Variants in DICER1 observed in about 807,000 individuals in gnomAD.
DICER1 encodes the protein dicer 1, ribonuclease III, also known as endoribonuclease Dicer.
DICER1 carries 43 observed loss-of-function variants against 194.1 expected under a neutral mutation model. The ratio of observed to expected loss-of-function variants is 0.22; its 90% CI spans 0.17 to 0.29. DICER1 has a LOEUF of 0.29. Ranked by LOEUF, DICER1 falls within the 10% of genes least tolerant of loss-of-function variation. The pLI is 1.00. For synonymous variants in DICER1, 832 were observed against 820.5 expected (o/e 1.01, Z -0.24); for missense variants, 1,608 against 2,317.0 (o/e 0.69, Z 6.28).
At chr14:95,148,853 C>A (rs1352502052) in intron 1 of DICER1, among the ~76,000 whole-genome samples, 2 of 152,072 alleles carry the variant, frequency 1.3e-5, no homozygotes, top group Non-Finnish European at 2.9e-5. Context: ...TTTCAAGAGA[C>A]ATAAATACTT....
At chr14:95,147,826 C>T (rs943349574) in intron 1 of DICER1, among the ~76,000 whole-genome samples, 22 of 152,190 alleles carry the variant, frequency 1.4e-4, no homozygotes, top group Non-Finnish European at 2.2e-4. Flanking sequence ...GTTCCCACAA[C>T]GCCCTCCTGG....
chr14:95,135,433 A>G (rs1350998751), intron 1 of DICER1, among the ~76,000 whole-genome samples: 1 of 152,170 alleles, frequency 6.6e-6, no homozygotes, highest in Admixed American at 6.5e-5. Flanking sequence ...AGGAACCAGC[A>G]GCACCCCCTC....
chr14:95,117,032 A>G (rs768221401), intron 9 of DICER1, among the ~76,000 whole-genome samples: 1 of 152,236 alleles, frequency 6.6e-6, no homozygotes, highest in Non-Finnish European at 1.5e-5. Flanking sequence ...AAGGCCTTCA[A>G]CAGGAATTAT....
chr14:95,107,561 T>A (rs1891544688), intron 17 of DICER1, 47 bp downstream of exon 17: 1 of 1,607,514 alleles, frequency 6.2e-7, no homozygotes, highest in Non-Finnish European at 8.5e-7. Flanking sequence ...AGTGCATCTT[T>A]TAAAACAAAG....
intron 1 of DICER1, among the ~76,000 whole-genome samples, chr14:95,150,629 A>C (rs2140447223): frequency 6.6e-6 from 1 of 152,354 alleles, no homozygotes; most frequent in East Asian, 1.9e-4. Flanking sequence ...AAGGATCATT[A>C]ATGGATGCTA....
chr14:95,114,439 G>T (rs771465321), intron 11 of DICER1, among the ~76,000 whole-genome samples: 7 of 152,138 alleles, frequency 4.6e-5, no homozygotes, highest in Admixed American at 4.6e-4. Flanking sequence ...ATTAAAAAAT[G>T]ATAATATAAG....
chr14:95,112,130 G>T, intron 13 of DICER1, 42 bp downstream of exon 13: 1 of 1,530,988 alleles, frequency 6.5e-7, no homozygotes, highest in Non-Finnish European at 9.1e-7. Flanking sequence ...TACAATGGTT[G>T]CAATTTATTT....
intron 9 of DICER1, 25 bp downstream of exon 9, chr14:95,117,597 G>A: frequency 1.9e-6 from 3 of 1,613,580 alleles, no homozygotes; most frequent in Non-Finnish European, 2.5e-6. Context: ...AACTGTTATT[G>A]TACACTTATT....
intron 11 of DICER1, 46 bp downstream of exon 11, chr14:95,115,621 T>C (rs747760766): frequency 1.2e-6 from 2 of 1,605,242 alleles, no homozygotes; most frequent in South Asian, 2.2e-5. Flanking sequence ...AGACTTAAAC[T>C]GTGCAACATT....
rs1053405272 is a variant in DICER1 at position 95,088,333 on chromosome 14, G to T, written c.*2165C>A. On this transcript the variant is annotated 3_prime_UTR_variant, in exon 27 of 27. Transcript: ENST00000343455. ...ATAACTGTGAAAACAATCTGATTTTGGTGCCAGGAATCAAGAGAATCCCGT... is the reference window on the plus strand; with the variant it reads ...ATAACTGTGAAAACAATCTGATTTTTGTGCCAGGAATCAAGAGAATCCCGT... The T allele has an allele frequency of 4.3e-6, 1 of 231,928 alleles. No homozygotes were observed. Among genetic ancestry groups the T allele is most frequent in the African/African-American group, 2.2e-5 (1 of 45,234 alleles). 14.4% of individuals were successfully genotyped at this position (231,928 alleles called of 1,614,324 possible). A position where few individuals can be genotyped will look rare whatever the true frequency, so the allele number is the denominator to read the frequency against.
intron 1 of DICER1, among the ~76,000 whole-genome samples, chr14:95,156,275 G>A (rs73331574): frequency 0.033 from 5,009 of 152,288 alleles, 299 homozygotes; most frequent in African/African-American, 0.12. Flanking sequence ...GAAGACAGAA[G>A]CATAGGCGTC....
chr14:95,137,058 T>C (rs1165588634), intron 1 of DICER1, among the ~76,000 whole-genome samples: 1 of 125,166 alleles, frequency 8.0e-6, no homozygotes. Flanking sequence ...AGAACAGATA[T>C]GAACAGAAAG....
chr14:95,105,982 G>C lies in DICER1; in HGVS notation c.2987+59C>G. The stretch of plus-strand genomic sequence containing the variant: ...GGGACAGTGAACCTCTGCATGTCTA[G>C]TGATGTCTGGTAAGAATCCCTCAAG... On this transcript the variant is annotated intron_variant, in intron 18 of 26. Coordinates refer to ENST00000343455, the MANE Select transcript of DICER1 (RefSeq NM_177438.3). This position sits in a 1 kb window ranked among gnomAD's most constrained non-coding sequence, Gnocchi z 4.9. 1.3e-6 allele frequency: 2 copies of C among 1,568,078 alleles called. No individual in the cohort carries two copies. The highest frequency in any genetic ancestry group is 1.8e-6 in the Non-Finnish European group (2 of 1,138,458).
intron 10 of DICER1, 119 bp downstream of exon 10, chr14:95,116,334 T>C: frequency 8.0e-7 from 1 of 1,251,150 alleles, no homozygotes; most frequent in South Asian, 1.3e-5. Context: ...ACACCTCTTT[T>C]GAGATTATTG....
At chr14:95,100,888 G>A (rs1299991033) in intron 21 of DICER1, among the ~76,000 whole-genome samples, 1 of 152,112 alleles carries the variant, frequency 6.6e-6, no homozygotes, top group Non-Finnish European at 1.5e-5. Context: ...GGAAAAGGAG[G>A]GTACGTGTGA....
intron 1 of DICER1, among the ~76,000 whole-genome samples, chr14:95,153,389 G>A (rs1242246595): frequency 6.6e-6 from 1 of 152,146 alleles, no homozygotes; most frequent in African/African-American, 2.4e-5. Context: ...TCAAACCACT[G>A]GAACAGTGAA....
intron 1 of DICER1, among the ~76,000 whole-genome samples, chr14:95,143,293 T>C (rs990459837): frequency 2.0e-5 from 3 of 152,218 alleles, no homozygotes; most frequent in Non-Finnish European, 2.9e-5. Context: ...ATACTGACTG[T>C]TGACGTAAGG....
chr14:95,111,273 A>C, intron 14 of DICER1, 44 bp downstream of exon 14: 1 of 1,613,356 alleles, frequency 6.2e-7, no homozygotes, highest in Non-Finnish European at 8.5e-7. Flanking sequence ...CGGAAAACAA[A>C]GTCAGAAATG....
intron 14 of DICER1, among the ~76,000 whole-genome samples, chr14:95,109,096 C>T (rs549490154): frequency 6.6e-6 from 1 of 152,280 alleles, no homozygotes; most frequent in East Asian, 1.9e-4. Context: ...TGTGAGATAG[C>T]CTGATTTTTA....
Sources: gnomAD v4.1 joint callset for allele counts (sites outside exome capture counted in the v4.1 genomes callset) on GRCh38, gnomAD v4.1.1 for gene constraint, Gnocchi (gnomAD v3.1) non-coding constraint, MANE v1.5 for transcripts, NCBI Gene and HGNC (gene_info 2026-07-23, HGNC 2026-07-21) for gene names.